RPSA2: variants seen among roughly 807,000 people sequenced by gnomAD.
The protein encoded by RPSA2 is small ribosomal subunit protein uS2B.
the RPSA2 span, among the ~76,000 whole-genome samples, chr19:23,812,394 T>G: frequency 1.4e-5 from 2 of 147,004 alleles, no homozygotes; most frequent in African/African-American, 5.0e-5. Context: ...TTCTCTTTTT[T>G]TTTTTTTGTT....
chr19:23,801,916 C>G, the RPSA2 span, among the ~76,000 whole-genome samples: 4 of 152,116 alleles, frequency 2.6e-5, no homozygotes, highest in Non-Finnish European at 4.4e-5. Flanking sequence ...TTAGAATTTT[C>G]TAGAGCAGTC....
chr19:23,868,208 G>T, the RPSA2 span, among the ~76,000 whole-genome samples: 1 of 152,182 alleles, frequency 6.6e-6, no homozygotes. Context: ...AGATCTTAAA[G>T]ATTTTTTCTT....
chr19:23,798,334 C>G, the RPSA2 span, among the ~76,000 whole-genome samples: 3 of 152,132 alleles, frequency 2.0e-5, no homozygotes, highest in African/African-American at 7.2e-5. Flanking sequence ...AGTACTTACA[C>G]TACAAAAGCA....
At chr19:23,844,436 AT>A in the RPSA2 span, among the ~76,000 whole-genome samples, 1 of 151,982 alleles carries the variant, frequency 6.6e-6, no homozygotes, top group African/African-American at 2.4e-5. Context: ...TTGTAGTTCT[AT>A]TTTTAGTTAT....
chr19:23,829,188 T>C, the RPSA2 span, among the ~76,000 whole-genome samples: 1 of 152,246 alleles, frequency 6.6e-6, no homozygotes, highest in Non-Finnish European at 1.5e-5. Context: ...TTTTAATTAT[T>C]AGACTTACTG....
At chr19:23,796,660 T>C in the RPSA2 span, among the ~76,000 whole-genome samples, 1 of 152,088 alleles carries the variant, frequency 6.6e-6, no homozygotes, top group Admixed American at 6.6e-5. Context: ...CTTTGATTTC[T>C]TTTTTGTTCA....
At chr19:23,860,736 ATAG>A in the RPSA2 span, among the ~76,000 whole-genome samples, 29 of 152,220 alleles carry the variant, frequency 1.9e-4, no homozygotes, top group Admixed American at 1.6e-3. Flanking sequence ...AATAATAATA[ATAG>A]TAGTAAATAC....
the RPSA2 span, among the ~76,000 whole-genome samples, chr19:23,867,165 G>C: frequency 6.6e-6 from 1 of 152,092 alleles, no homozygotes; most frequent in Admixed American, 6.5e-5. Context: ...AAAAATGTAT[G>C]GGCTTATGGA....
At chr19:23,816,003 T>TC in the RPSA2 span, among the ~76,000 whole-genome samples, 1 of 151,868 alleles carries the variant, frequency 6.6e-6, no homozygotes, top group Non-Finnish European at 1.5e-5. Flanking sequence ...TTGTTTTTTT[T>TC]TTCGCTCTGT....
the RPSA2 span, chr19:23,831,795 G>A: frequency 3.3e-6 from 1 of 305,080 alleles, no homozygotes; most frequent in Non-Finnish European, 6.8e-6. Context: ...ACTACTCAGA[G>A]CAAAGTATTT....
At chr19:23,758,766 G>C in the RPSA2 span, 1 of 1,614,222 alleles carries the variant, frequency 6.2e-7, no homozygotes. Context: ...GTTTCCGGGG[G>C]ACCTGGCGTC....
chr19:23,864,649 C>A, the RPSA2 span, among the ~76,000 whole-genome samples: 1 of 152,084 alleles, frequency 6.6e-6, no homozygotes, highest in Non-Finnish European at 1.5e-5. Context: ...TAGTTCTGAA[C>A]ATACTGATTT....
chr19:23,860,803 AT>A, the RPSA2 span, among the ~76,000 whole-genome samples: 4 of 152,308 alleles, frequency 2.6e-5, no homozygotes, highest in African/African-American at 9.6e-5. Context: ...TCAATTCTCT[AT>A]TTATTACTAG....
the RPSA2 span, among the ~76,000 whole-genome samples, chr19:23,771,408 C>A: frequency 6.6e-6 from 1 of 152,180 alleles, no homozygotes; most frequent in African/African-American, 2.4e-5. Context: ...GTCATTGAGA[C>A]TCATTCATGT....
At chr19:23,794,108 G>A in the RPSA2 span, among the ~76,000 whole-genome samples, 38 of 152,274 alleles carry the variant, frequency 2.5e-4, no homozygotes, top group Middle Eastern at 0.01. Flanking sequence ...CCATTGATAG[G>A]CATTCAAGTT....
chr19:23,853,806 C>A, the RPSA2 span, among the ~76,000 whole-genome samples: 9,753 of 152,208 alleles, frequency 0.064, 343 homozygotes, highest in African/African-American at 0.076. Context: ...CCATCAGGGC[C>A]AGTGCAAGGC....
At chr19:23,831,707 T>G in the RPSA2 span, 1 of 252,788 alleles carries the variant, frequency 4.0e-6, no homozygotes, top group South Asian at 6.4e-5. Flanking sequence ...TAATTTACTG[T>G]TGAGAAATGG....
At chr19:23,830,037 C>T in the RPSA2 span, among the ~76,000 whole-genome samples, 1 of 123,734 alleles carries the variant, frequency 8.1e-6, no homozygotes, top group African/African-American at 3.1e-5. Context: ...TTTAGAATTT[C>T]ATTACTTTGG....
At chr19:23,813,195 C>G in the RPSA2 span, among the ~76,000 whole-genome samples, 5 of 148,956 alleles carry the variant, frequency 3.4e-5, no homozygotes, top group African/African-American at 9.9e-5. Context: ...AATTGTGCCA[C>G]GCACTCAAGC....
Sources: allele counts gnomAD v4.1 joint callset (sites outside exome capture counted in the v4.1 genomes callset), GRCh38; gene constraint gnomAD v4.1.1; transcripts MANE v1.5; gene names NCBI Gene and HGNC (gene_info 2026-07-23, HGNC 2026-07-21).